Variants in ZDHHC24 observed in about 807,000 individuals in gnomAD.
ZDHHC24 encodes the protein probable palmitoyltransferase ZDHHC24.
In ZDHHC24, 17 loss-of-function variants were observed where a neutral mutation model predicts 23.2. The ratio of observed to expected loss-of-function variants is 0.73; its 90% confidence interval spans 0.50 to 1.10. The LOEUF (loss-of-function observed/expected upper bound fraction) is 1.10. Ranked by LOEUF, ZDHHC24 falls within the 50% of genes least tolerant of loss-of-function variation. ZDHHC24 has a pLI of 0.00. For missense variants in ZDHHC24, 366 were observed against 393.0 expected (o/e 0.93, Z 0.58); for synonymous variants, 186 against 194.5 (o/e 0.96, Z 0.36).
intron 1 of ZDHHC24, 123 bp from the exon 2 acceptor site, chr11:66,544,104 A>T: frequency 7.7e-7 from 1 of 1,293,338 alleles, no homozygotes; most frequent in Non-Finnish European, 1.1e-6. Flanking sequence ...CTAAGCCTCA[A>T]TTTCTTTACA....
intron 4 of ZDHHC24, chr11:66,523,185 C>T: frequency 1.7e-6 from 1 of 587,348 alleles, no homozygotes. Flanking sequence ...ATCATACAAG[C>T]CACCATAGTG....
chr11:66,531,993 G>A (rs367751525), downstream of ZDHHC24: 11 of 1,607,548 alleles, frequency 6.8e-6, no homozygotes, highest in Non-Finnish European at 9.3e-6. Flanking sequence ...CCTGCTGAGT[G>A]CCCACGTCAA....
chr11:66,531,161 C>A (rs1856765724), downstream of ZDHHC24: 2 of 1,272,410 alleles, frequency 1.6e-6, no homozygotes, highest in Admixed American at 2.0e-5. Flanking sequence ...GACCTACTCT[C>A]CCACCACAGA....
rs143902863 is a variant in ZDHHC24 at position 66,522,260 on chromosome 11, T to G, written c.*22-794A>C. On this transcript the variant is annotated intron_variant, in intron 4 of 4. Transcript: ENST00000526986. ...CAGATGGGAAGAAATAAAAAAAAATTTCCCATATTTGTTACTTTCTAGGGT... is the reference window on the plus strand; with the variant it reads ...CAGATGGGAAGAAATAAAAAAAAATGTCCCATATTTGTTACTTTCTAGGGT... Among the ~76,000 whole-genome samples the G allele has an allele frequency of 4.2e-3, 643 of 151,812 alleles. 4 individuals are homozygous for G. The highest frequency in any genetic ancestry group is 0.014 in the African/African-American group (591 of 41,430).
chr11:66,544,451 A>G (rs1193841618), intron 1 of ZDHHC24, among the ~76,000 whole-genome samples: 1 of 152,182 alleles, frequency 6.6e-6, no homozygotes, highest in African/African-American at 2.4e-5. Context: ...AGTGTCCTAC[A>G]ACATCCTTCT....
intron 4 of ZDHHC24, chr11:66,526,218 G>T: frequency 6.2e-7 from 1 of 1,610,874 alleles, no homozygotes; most frequent in Non-Finnish European, 8.5e-7. Flanking sequence ...CCTGGCAAGG[G>T]CTTTGAAGTC....
chr11:66,533,926 T>C (rs1856877348), downstream of ZDHHC24, among the ~76,000 whole-genome samples: 1 of 152,242 alleles, frequency 6.6e-6, no homozygotes, highest in South Asian at 2.1e-4. Context: ...CCCAGCACTT[T>C]GGGAGGCCGG....
At chr11:66,523,386 C>A in intron 4 of ZDHHC24, 1 of 1,610,920 alleles carries the variant, frequency 6.2e-7, no homozygotes, top group Non-Finnish European at 8.5e-7. Flanking sequence ...GAGGTTTAGA[C>A]AGAGGAGGGT....
chr11:66,525,951 A>G (rs1438408750), intron 4 of ZDHHC24, among the ~76,000 whole-genome samples: 1 of 152,166 alleles, frequency 6.6e-6, no homozygotes, highest in Admixed American at 6.6e-5. Context: ...GAACTGAGGT[A>G]GTGAGATTGG....
At chr11:66,529,455 G>T in exon 3 of ZDHHC24, 1 of 791,560 alleles carries the variant, frequency 1.3e-6, no homozygotes. Flanking sequence ...ACTCCTCTTT[G>T]TGGTGGTCAG....
downstream of ZDHHC24, chr11:66,531,549 C>A (rs887631075): frequency 1.4e-6 from 2 of 1,455,382 alleles, no homozygotes; most frequent in Non-Finnish European, 1.9e-6. Context: ...CCTGCCCACC[C>A]TGCAGGGGTG....
At chr11:66,529,485 T>C (rs557410895) in exon 3 of ZDHHC24, 1 of 736,694 alleles carries the variant, frequency 1.4e-6, no homozygotes, top group Admixed American at 2.0e-5. Flanking sequence ...AGGACATGGA[T>C]TGTCTGGGGG....
chr11:66,526,493 T>C (rs1856499252), intron 4 of ZDHHC24, among the ~76,000 whole-genome samples: 1 of 152,232 alleles, frequency 6.6e-6, no homozygotes, highest in Admixed American at 6.5e-5. Flanking sequence ...TGAGAGACTA[T>C]TAAGATGCAC....
intron 2 of ZDHHC24, among the ~76,000 whole-genome samples, chr11:66,540,407 A>G: frequency 7.0e-6 from 1 of 142,382 alleles, no homozygotes; most frequent in Non-Finnish European, 1.5e-5. Flanking sequence ...AGCATGGGCA[A>G]CATAGCGAGA....
chr11:66,524,409 C>A, intron 4 of ZDHHC24: 1 of 202,272 alleles, frequency 4.9e-6, no homozygotes, highest in Non-Finnish European at 1.0e-5. Flanking sequence ...CAGCCAGAGA[C>A]ATAGCAAATT....
downstream of ZDHHC24, chr11:66,531,001 C>G (rs961749503): frequency 6.2e-7 from 1 of 1,614,246 alleles, no homozygotes; most frequent in Non-Finnish European, 8.5e-7. Context: ...ACGAGGCGCT[C>G]TATTCCCTGC....
rs865875673 is a variant in ZDHHC24, at chr11:66,539,308, G to A, written c.*221C>T. ...AACCTGGCAAAGGGGCAGCTAGGCG[G>A]CCTGAGCAGCCCCTGCCAGACCCTC... On this transcript the variant is annotated 3_prime_UTR_variant, in exon 3 of 3. Coordinates refer to ENST00000310442, the MANE Select transcript of ZDHHC24 (RefSeq NM_207340.3). The A allele has an allele frequency of 1.6e-6, 2 of 1,258,040 alleles. No homozygotes were observed. Among genetic ancestry groups the A allele is most frequent in the African/African-American group, 1.5e-5 (1 of 64,878 alleles). The allele number at this position is 1,258,040 out of a possible 1,614,324, so 77.9% of individuals were successfully genotyped here.
chr11:66,528,822 G>A (rs1029571668), intron 3 of ZDHHC24, among the ~76,000 whole-genome samples: 3 of 152,102 alleles, frequency 2.0e-5, no homozygotes, highest in Admixed American at 2.0e-4. Context: ...CAAAAAATTA[G>A]CCAGGCTTGG....
rs1043654414 is a variant in ZDHHC24 at position 66,539,543 on chromosome 11, G to C, written c.841C>G (p.His281Asp). Residue 281 changes from histidine to aspartate, a missense_variant, in exon 3 of 3, where the codon CAC becomes GAC. Coordinates refer to ENST00000310442, the MANE Select transcript of ZDHHC24 (RefSeq NM_207340.3). ...TCTTCCTGGAGTCAGGAGGCTGTGT[G>C]TCCCACATCTGCTGTGGTCTGGAAG... ...ITFQTTADVGHTAS is the reference protein window; with the variant it reads ...ITFQTTADVGDTAS The C allele has an allele frequency of 7.6e-6, 12 of 1,576,838 alleles. No individual in the cohort carries two copies. The highest frequency in any genetic ancestry group is 9.5e-6 in the Non-Finnish European group (11 of 1,160,954).
Sources: allele counts gnomAD v4.1 joint callset (sites outside exome capture counted in the v4.1 genomes callset), GRCh38; gene constraint gnomAD v4.1.1; transcripts MANE v1.5; gene names NCBI Gene and HGNC (gene_info 2026-07-23, HGNC 2026-07-21).